Variants in IL23R observed in about 807,000 individuals in gnomAD.
IL23R encodes interleukin-23 receptor.
In IL23R, 34 loss-of-function variants were observed where a neutral mutation model predicts 56.9. The observed-to-expected ratio is 0.60, with a 90% CI of 0.45 to 0.80. The LOEUF (loss-of-function observed/expected upper bound fraction) is 0.80. IL23R is among the 30% of genes least tolerant of loss of function. IL23R has a pLI of 0.00. For missense variants in IL23R, 635 were observed against 730.0 expected (o/e 0.87, Z 1.50); for synonymous variants, 230 against 249.2 (o/e 0.92, Z 0.73).
intron 7 of IL23R, among the ~76,000 whole-genome samples, chr1:67,220,699 C>G (rs988722621): frequency 2.6e-5 from 4 of 152,096 alleles, no homozygotes; most frequent in Admixed American, 6.5e-5. Context: ...GAGACCCCAT[C>G]TCTACCAAAA....
intron 9 of IL23R, among the ~76,000 whole-genome samples, chr1:67,249,613 GA>G (rs1485903092): frequency 7.2e-5 from 11 of 151,996 alleles, no homozygotes; most frequent in African/African-American, 2.7e-4. Context: ...TTAACCTGAA[GA>G]AGATTAAACA....
chr1:67,227,996 T>TTC (rs1165985903), intron 7 of IL23R, among the ~76,000 whole-genome samples: 2 of 96,384 alleles, frequency 2.1e-5, no homozygotes, highest in African/African-American at 8.0e-5. Flanking sequence ...CTTTCTTTCT[T>TTC]TCTTTCTTTC....
chr1:67,243,140 C>G (rs1247587351), intron 9 of IL23R, among the ~76,000 whole-genome samples: 1 of 152,106 alleles, frequency 6.6e-6, no homozygotes, highest in African/African-American at 2.4e-5. Context: ...CTCCACGAGT[C>G]CATGCTTAAA....
downstream of IL23R, among the ~76,000 whole-genome samples, chr1:67,260,994 A>G (rs1336421145): frequency 6.6e-6 from 1 of 152,168 alleles, no homozygotes; most frequent in African/African-American, 2.4e-5. Flanking sequence ...TTAGTCATTT[A>G]ATTTTATTAT....
At position 67,227,071 on chromosome 1, in the gene IL23R, T is replaced by C. The variant is rs112634766; in HGVS notation, c.955+7341T>C. ...GAGCTGCTGAAGTTAGAGCTTCTGA[T>C]CCACCAACCTTGATAGGCACTGTTA... On this transcript the variant is annotated intron_variant, in intron 7 of 10. Coordinates refer to ENST00000347310, the MANE Select transcript of IL23R (RefSeq NM_144701.3). Among the ~76,000 whole-genome samples, 763 of 152,326 alleles carry C rather than the reference T, an allele frequency of 5.0e-3. 3 individuals are homozygous for C. The highest frequency in any genetic ancestry group is 8.3e-3 in the Non-Finnish European group (563 of 68,024).
chr1:67,186,524 T>C (rs779313519), intron 4 of IL23R, among the ~76,000 whole-genome samples: 2 of 152,170 alleles, frequency 1.3e-5, no homozygotes, highest in Non-Finnish European at 2.9e-5. Flanking sequence ...TGGCAGCCAC[T>C]ATTTGCTTTC....
upstream of IL23R, among the ~76,000 whole-genome samples, chr1:67,161,609 C>CTATATATA (rs143977358): frequency 6.7e-6 from 1 of 149,110 alleles, no homozygotes; most frequent in Non-Finnish European, 1.5e-5. Flanking sequence ...AATTAAAATA[C>CTATATATA]TATATATATA....
upstream of IL23R, chr1:67,138,816 G>A (rs185323899): frequency 3.9e-4 from 59 of 152,380 alleles, no homozygotes; most frequent in African/African-American, 1.4e-3. Flanking sequence ...GCAGCCCCCT[G>A]GTTCTAAGGA....
upstream of IL23R, among the ~76,000 whole-genome samples, chr1:67,162,940 G>A (rs1331737521): frequency 1.3e-5 from 2 of 152,308 alleles, no homozygotes; most frequent in African/African-American, 2.4e-5. Flanking sequence ...TGTGCACGCA[G>A]TCTTCAAGAG....
intron 7 of IL23R, 117 bp from the exon 8 acceptor site, chr1:67,236,596 C>T: frequency 1.4e-6 from 1 of 722,582 alleles, no homozygotes; most frequent in South Asian, 1.5e-5. Flanking sequence ...CCTTCAAGCC[C>T]ATTAAAGTTA....
At chr1:67,206,316 C>T (rs919603559) in intron 5 of IL23R, among the ~76,000 whole-genome samples, 1 of 152,058 alleles carries the variant, frequency 6.6e-6, no homozygotes, top group African/African-American at 2.4e-5. Flanking sequence ...CCCAGCCTTT[C>T]TTTCTTTTTT....
intron 2 of IL23R, 127 bp downstream of exon 2, chr1:67,168,317 G>A: frequency 1.3e-6 from 1 of 792,158 alleles, no homozygotes. Context: ...GAAAAAATGT[G>A]TGCATAAAAA....
At position 67,202,513 on chromosome 1, in the gene IL23R, C is replaced by T. The variant is rs901518926; in HGVS notation, c.652+1616C>T. ...TCAGCCTCCCAAAGTGTTAGGATTACAGGCGTGAGCCACTGCCAGCTAACA... is the reference window on the plus strand; with the variant it reads ...TCAGCCTCCCAAAGTGTTAGGATTATAGGCGTGAGCCACTGCCAGCTAACA... On this transcript the variant is annotated intron_variant, in intron 5 of 10. Coordinates refer to ENST00000347310, the MANE Select transcript of IL23R (RefSeq NM_144701.3). 2.0e-5 allele frequency among the ~76,000 whole-genome samples: 3 copies of T among 152,358 alleles called. No homozygotes were observed. In the East Asian group the frequency reaches 5.8e-4, roughly 29 times the overall value.
chr1:67,182,611 C>T (rs11465788), intron 3 of IL23R, among the ~76,000 whole-genome samples: 72,278 of 151,938 alleles, frequency 0.48, 17,870 homozygotes, highest in East Asian at 0.64. Flanking sequence ...CGCCCTGCTT[C>T]GGCTCACACT....
At chr1:67,182,164 G>A (rs1322031671) in intron 3 of IL23R, among the ~76,000 whole-genome samples, 1 of 152,334 alleles carries the variant, frequency 6.6e-6, no homozygotes, top group African/African-American at 2.4e-5. Context: ...AAAGCTGTCA[G>A]ACGGGGACAT....
At chr1:67,217,005 G>A (rs1303960867) in intron 6 of IL23R, among the ~76,000 whole-genome samples, 2 of 152,150 alleles carry the variant, frequency 1.3e-5, no homozygotes, top group African/African-American at 2.4e-5. Flanking sequence ...ACACTGGTGG[G>A]TTACCAAGGA....
chr1:67,167,291 G>T (rs558404157), intron 1 of IL23R, among the ~76,000 whole-genome samples: 1 of 152,082 alleles, frequency 6.6e-6, no homozygotes, highest in Admixed American at 6.6e-5. Context: ...GCCTGATCTC[G>T]AACTCCTGGG....
chr1:67,197,028 A>C (rs1364366361), intron 4 of IL23R, among the ~76,000 whole-genome samples: 1 of 152,190 alleles, frequency 6.6e-6, no homozygotes, highest in Non-Finnish European at 1.5e-5. Context: ...GTGAAATAGC[A>C]GGTGAAGCTG....
chr1:67,205,915 C>CCTTCTTTCTT, intron 5 of IL23R, among the ~76,000 whole-genome samples: 2 of 123,240 alleles, frequency 1.6e-5, no homozygotes, highest in South Asian at 5.8e-4. Context: ...TTCTTTCTTT[C>CCTTCTTTCTT]TTTCTTTCTT....
Sources: gnomAD v4.1 joint callset for allele counts (sites outside exome capture counted in the v4.1 genomes callset) on GRCh38, gnomAD v4.1.1 for gene constraint, MANE v1.5 for transcripts, NCBI Gene and HGNC (gene_info 2026-07-23, HGNC 2026-07-21) for gene names.